Variants in TGS1 observed in about 807,000 individuals in gnomAD.
TGS1 encodes the protein trimethylguanosine synthase 1, also known as trimethylguanosine synthase.
A neutral mutation model predicts 92.2 loss-of-function variants in TGS1; 69 were observed. The observed-to-expected ratio is 0.75, with a 90% CI of 0.62 to 0.91. TGS1 has a LOEUF of 0.91. Ranked by LOEUF, TGS1 falls within the 40% of genes least tolerant of loss-of-function variation. The pLI is 0.00. For missense variants in TGS1, 1,062 were observed against 1,001.2 expected (o/e 1.06, Z -0.82); for synonymous variants, 345 against 338.1 (o/e 1.02, Z -0.22).
intron 10 of TGS1, among the ~76,000 whole-genome samples, chr8:55,808,471 G>A (rs1419370479): frequency 2.0e-5 from 3 of 150,628 alleles, no homozygotes; most frequent in African/African-American, 7.3e-5. Flanking sequence ...TACTCAAACC[G>A]TCTATATGTA....
Position 55,810,910 on chromosome 8 carries a change from A to T in TGS1, c.2173A>T (p.Ile725Phe). The T allele has an allele frequency of 6.2e-7, 1 of 1,614,158 alleles. No individual in the cohort carries two copies. The highest frequency in any genetic ancestry group is 8.5e-7 in the Non-Finnish European group (1 of 1,180,032). ...VIAIDIDPVKIALARNNAEVY... is the reference protein window; with the variant it reads ...VIAIDIDPVKFALARNNAEVY... The stretch of plus-strand genomic sequence containing the variant: ...TGCCATTGATATCGATCCTGTTAAG[A>T]TTGCCCTTGCTCGCAATAATGCAGA... The change falls in exon 11 of 13, where the codon ATT (isoleucine) becomes TTT (phenylalanine). Residue 725 changes from isoleucine to phenylalanine, a missense_variant. Physicochemically the swap from Ile to Phe is conservative, Grantham distance 21 (BLOSUM62 0). Transcript: ENST00000260129.
intron 12 of TGS1, among the ~76,000 whole-genome samples, chr8:55,819,059 A>C (rs1161236754): frequency 1.3e-5 from 2 of 152,242 alleles, no homozygotes; most frequent in Admixed American, 1.3e-4. Flanking sequence ...ATCCTACCTC[A>C]GCCTTCAGAG....
At chr8:55,796,357 T>C (rs899358658) in intron 7 of TGS1, among the ~76,000 whole-genome samples, 9 of 151,902 alleles carry the variant, frequency 5.9e-5, no homozygotes, top group African/African-American at 1.9e-4. Flanking sequence ...GAAAAGGAAG[T>C]GTTTGAAAGC....
chr8:55,775,634 T>G (rs891953818), intron 1 of TGS1, among the ~76,000 whole-genome samples: 1 of 152,116 alleles, frequency 6.6e-6, no homozygotes, highest in African/African-American at 2.4e-5. Flanking sequence ...GAGAAGAGAT[T>G]ATGAGTTTGA....
intron 12 of TGS1, among the ~76,000 whole-genome samples, chr8:55,815,253 T>C (rs1291355529): frequency 6.6e-6 from 1 of 152,216 alleles, no homozygotes; most frequent in Non-Finnish European, 1.5e-5. Flanking sequence ...CATGTTTTTT[T>C]GCCTCTAGAG....
intron 12 of TGS1, among the ~76,000 whole-genome samples, chr8:55,813,990 C>T (rs1460689762): frequency 6.6e-6 from 1 of 152,128 alleles, no homozygotes; most frequent in African/African-American, 2.4e-5. Flanking sequence ...CTCTATCACC[C>T]AGGCTGGAGT....
At chr8:55,798,843 T>C in intron 7 of TGS1, 71 bp from the exon 8 acceptor site, 1 of 1,262,410 alleles carries the variant, frequency 7.9e-7, no homozygotes, top group Non-Finnish European at 1.1e-6. Context: ...AAGTCACAAA[T>C]TGTAATAGGT....
intron 2 of TGS1, 68 bp from the exon 3 acceptor site, chr8:55,785,651 T>A: frequency 1.6e-6 from 2 of 1,233,016 alleles, no homozygotes; most frequent in East Asian, 2.6e-5. Context: ...CAGGTTTTTT[T>A]AAATGAGAAT....
intron 10 of TGS1, among the ~76,000 whole-genome samples, chr8:55,806,875 A>G (rs754942675): frequency 6.6e-6 from 1 of 151,990 alleles, no homozygotes; most frequent in Non-Finnish European, 1.5e-5. Context: ...GGCACTCACT[A>G]TCTTTATGAC....
chr8:55,794,931 G>A (rs957490234), intron 6 of TGS1, among the ~76,000 whole-genome samples: 1 of 152,180 alleles, frequency 6.6e-6, no homozygotes, highest in Admixed American at 6.5e-5. Context: ...AAAGGGACAC[G>A]AGGAATGTCT....
chr8:55,778,486 C>A (rs1811463166), intron 1 of TGS1, among the ~76,000 whole-genome samples: 1 of 152,124 alleles, frequency 6.6e-6, no homozygotes, highest in Non-Finnish European at 1.5e-5. Context: ...AGATAGAGGA[C>A]TATTCTGGAA....
At chr8:55,795,828 G>C in intron 6 of TGS1, 150 bp from the exon 7 acceptor site, 2 of 682,394 alleles carry the variant, frequency 2.9e-6, no homozygotes, top group Non-Finnish European at 5.0e-6. Flanking sequence ...TCTTCTGCAA[G>C]TTGAACTTGA....
chr8:55,797,710 A>G (rs1290930366), intron 7 of TGS1, among the ~76,000 whole-genome samples: 1 of 152,188 alleles, frequency 6.6e-6, no homozygotes, highest in East Asian at 1.9e-4. Context: ...TCTAAGGGGT[A>G]AAAAACACTT....
chr8:55,812,700 A>T (rs1324176286), intron 11 of TGS1, among the ~76,000 whole-genome samples: 1 of 152,070 alleles, frequency 6.6e-6, no homozygotes, highest in East Asian at 1.9e-4. Flanking sequence ...AAATAAGCAG[A>T]GCCAGACTCT....
At position 55,824,817 on chromosome 8, in the gene TGS1, G is replaced by T. The variant is rs74448343; in HGVS notation, c.*114G>T. 4.6e-4 allele frequency: 557 copies of T among 1,216,008 alleles called. 12 individuals are homozygous for T. The East Asian group carries it at 0.014, about 31-fold the overall frequency. The allele number at this position is 1,216,008 out of a possible 1,614,324, so 75.3% of individuals were successfully genotyped here. On this transcript the variant is annotated 3_prime_UTR_variant, in exon 13 of 13. Coordinates refer to ENST00000260129, the MANE Select transcript of TGS1 (RefSeq NM_024831.8). ...TTTCTACCCATGGTCTTATATCACC[G>T]TATGAAATGGAAACTTACAGGACTT... is the stretch of plus-strand genomic sequence containing the variant.
chr8:55,783,765 C>G (rs1397320284), intron 2 of TGS1, among the ~76,000 whole-genome samples: 1 of 152,198 alleles, frequency 6.6e-6, no homozygotes, highest in Non-Finnish European at 1.5e-5. Context: ...CCCTTTAACT[C>G]TCATGGCGAT....
intron 9 of TGS1, 151 bp downstream of exon 9, chr8:55,802,757 T>C (rs1585778633): frequency 1.5e-6 from 1 of 665,220 alleles, no homozygotes. Context: ...TCATTCTCTC[T>C]CCATATGTAT....
chr8:55,808,990 G>GT (rs1406276639), intron 10 of TGS1, among the ~76,000 whole-genome samples: 1 of 152,178 alleles, frequency 6.6e-6, no homozygotes, highest in Non-Finnish European at 1.5e-5. Flanking sequence ...GTATACATAT[G>GT]TAAGTATACA....
At chr8:55,776,501 C>G (rs928894431) in intron 1 of TGS1, among the ~76,000 whole-genome samples, 4 of 152,100 alleles carry the variant, frequency 2.6e-5, no homozygotes, top group African/African-American at 9.7e-5. Context: ...AGGATGGTCT[C>G]TGTCTCCTGA....
Sources: gnomAD v4.1 joint callset for allele counts (sites outside exome capture counted in the v4.1 genomes callset) on GRCh38, gnomAD v4.1.1 for gene constraint, MANE v1.5 for transcripts, NCBI Gene and HGNC (gene_info 2026-07-23, HGNC 2026-07-21) for gene names.